The following MFHAS1 variants were observed in gnomAD, a reference collection of about 807,000 sequenced individuals.
MFHAS1 encodes malignant fibrous histiocytoma-amplified sequence 1.
MFHAS1 carries 50 observed loss-of-function variants against 70.4 expected under a neutral mutation model. The ratio of observed to expected loss-of-function variants is 0.71; its 90% CI spans 0.57 to 0.90. The LOEUF is 0.90. Ranked by LOEUF, MFHAS1 falls within the 40% of genes least tolerant of loss-of-function variation. The probability of loss-of-function intolerance (pLI) is 0.00; values close to 1 mark genes in which losing one functional copy is unlikely to be tolerated. For synonymous variants in MFHAS1, 952 were observed against 620.0 expected (o/e 1.54, Z -7.96); for missense variants, 1,795 against 1,347.6 (o/e 1.33, Z -5.20).
Position 8,891,999 on chromosome 8 carries a change from TCTGGTTCCC to T in MFHAS1, c.1051_1059del (p.Gly351_Gln353del). 1 of 1,613,484 alleles carries T rather than the reference TCTGGTTCCC, an allele frequency of 6.2e-7. No individual in the cohort carries two copies. Among genetic ancestry groups the T allele is most frequent in the Non-Finnish European group, 8.5e-7 (1 of 1,179,950 alleles). ...CCAAAGTGGTCGGGCAGCACCGCGA[TCTGGTTCCC>T]CTGCAGCACGAGCTCCTCCAGGCCG... On this transcript the variant is annotated inframe_deletion, in exon 1 of 3. Coordinates refer to ENST00000276282, the MANE Select transcript of MFHAS1 (RefSeq NM_004225.3). This position sits in a 1 kb window ranked among gnomAD's most constrained non-coding sequence, Gnocchi z 5.4.
At chr8:8,859,228 C>T (rs946066522) in intron 1 of MFHAS1, among the ~76,000 whole-genome samples, 12 of 152,182 alleles carry the variant, frequency 7.9e-5, no homozygotes, top group Admixed American at 5.9e-4. Context: ...CCTGTAGTCC[C>T]AGCCACCTGG....
Position 8,892,234 on chromosome 8 carries a change from G to C in MFHAS1, c.825C>G (p.Leu275=). The change falls in exon 1 of 3, where the codon CTC becomes CTG. Residue 275 remains leucine (L), a synonymous_variant. Coordinates refer to ENST00000276282, the MANE Select transcript of MFHAS1 (RefSeq NM_004225.3). The surrounding 1 kb of genome is among the most constrained non-coding windows in gnomAD (Gnocchi z 4.7). ...GGTTGGAGGAGAGGTTGAGCATTTTGAGCCGCTGCAGGCAGCTGAACTGGG... is the reference window on the plus strand; with the variant it reads ...GGTTGGAGGAGAGGTTGAGCATTTTCAGCCGCTGCAGGCAGCTGAACTGGG... ...LPAQFSCLQR[L]KMLNLSSNLF... is the part of the protein sequence containing the mutation. 1 of 1,611,380 alleles carries C rather than the reference G, an allele frequency of 6.2e-7. No individual in the cohort carries two copies. The highest frequency in any genetic ancestry group is 8.5e-7 in the Non-Finnish European group (1 of 1,180,018).
chr8:8,799,194 G>A (rs1318870331), intron 1 of MFHAS1, among the ~76,000 whole-genome samples: 2 of 152,150 alleles, frequency 1.3e-5, no homozygotes, highest in East Asian at 3.8e-4. Context: ...CTATGTTTTT[G>A]CCTATAAGTA....
intron 1 of MFHAS1, among the ~76,000 whole-genome samples, chr8:8,831,696 C>G (rs1026214654): frequency 6.6e-6 from 1 of 151,898 alleles, no homozygotes; most frequent in Non-Finnish European, 1.5e-5. Flanking sequence ...GCAACCTCCG[C>G]CTCCCAGGTT....
chr8:8,839,064 C>G (rs745359212), intron 1 of MFHAS1, among the ~76,000 whole-genome samples: 2 of 152,010 alleles, frequency 1.3e-5, no homozygotes, highest in Non-Finnish European at 2.9e-5. Context: ...TATTGACAAA[C>G]TAGACCACTA....
At chr8:8,790,431 ATACC>A in intron 2 of MFHAS1, 1 of 960,882 alleles carries the variant, frequency 1.0e-6, no homozygotes, top group Non-Finnish European at 1.2e-6. Flanking sequence ...AAGTATGAAG[ATACC>A]TAAGCAGAGA....
chr8:8,799,469 A>T (rs1030821235), intron 1 of MFHAS1, among the ~76,000 whole-genome samples: 1 of 152,120 alleles, frequency 6.6e-6, no homozygotes, highest in Non-Finnish European at 1.5e-5. Flanking sequence ...AAAGTACTGT[A>T]TTTCTGGCTG....
At chr8:8,870,678 C>A (rs915223861) in intron 1 of MFHAS1, among the ~76,000 whole-genome samples, 3 of 152,082 alleles carry the variant, frequency 2.0e-5, no homozygotes, top group Non-Finnish European at 2.9e-5. Context: ...GATTCCATCC[C>A]GCAGGCCTCT....
At chr8:8,851,323 T>G (rs1808240731) in intron 1 of MFHAS1, among the ~76,000 whole-genome samples, 1 of 152,212 alleles carries the variant, frequency 6.6e-6, no homozygotes, top group Non-Finnish European at 1.5e-5. Flanking sequence ...GCACACAGTT[T>G]CTGCCATTTC....
chr8:8,852,598 A>C (rs1433591044), intron 1 of MFHAS1, among the ~76,000 whole-genome samples: 1 of 152,130 alleles, frequency 6.6e-6, no homozygotes, highest in African/African-American at 2.4e-5. Flanking sequence ...TTCTTTGCAA[A>C]ATAATTGGTT....
chr8:8,867,790 C>T (rs1808919653), intron 1 of MFHAS1, among the ~76,000 whole-genome samples: 2 of 152,070 alleles, frequency 1.3e-5, no homozygotes, highest in African/African-American at 2.4e-5. Context: ...ATCTCCTGAC[C>T]TCGTGATGGG....
intron 1 of MFHAS1, among the ~76,000 whole-genome samples, chr8:8,826,394 C>G (rs924079703): frequency 3.3e-5 from 5 of 152,172 alleles, no homozygotes; most frequent in Middle Eastern, 6.8e-3. Flanking sequence ...GACAGATTCC[C>G]TGAAGGTCTG....
intron 1 of MFHAS1, among the ~76,000 whole-genome samples, chr8:8,870,003 G>A (rs1381273629): frequency 6.6e-6 from 1 of 152,030 alleles, no homozygotes; most frequent in Non-Finnish European, 1.5e-5. Context: ...CCCTGAGTGT[G>A]CTGACAAAAT....
intron 1 of MFHAS1, among the ~76,000 whole-genome samples, chr8:8,862,806 C>T (rs1808716991): frequency 6.6e-6 from 1 of 152,146 alleles, no homozygotes; most frequent in South Asian, 2.1e-4. Flanking sequence ...ATGGAGGAGG[C>T]TGCGCATGTG....
intron 1 of MFHAS1, among the ~76,000 whole-genome samples, chr8:8,846,915 C>G (rs537509121): frequency 2.6e-5 from 4 of 152,254 alleles, no homozygotes; most frequent in Non-Finnish European, 4.4e-5. Flanking sequence ...ACCTTTGATA[C>G]ACTGCATTCA....
rs535164863 is a variant in MFHAS1, at chr8:8,787,686, G to C, written c.3126-1631C>G. ...GGAGGACGCCAGTGTAAAAACACAC[G>C]TCTCAACCTAGCAGCTAACTTTGGT... is the stretch of plus-strand genomic sequence containing the variant. On this transcript the variant is annotated intron_variant, in intron 2 of 2. Transcript: ENST00000276282. Among the ~76,000 whole-genome samples the C allele has an allele frequency of 7.9e-5, 12 of 152,306 alleles. No individual in the cohort carries two copies. In the South Asian group the frequency reaches 2.5e-3, roughly 32 times the overall value.
intron 1 of MFHAS1, among the ~76,000 whole-genome samples, chr8:8,800,006 C>T (rs1373721831): frequency 3.9e-5 from 6 of 152,226 alleles, no homozygotes; most frequent in Non-Finnish European, 8.8e-5. Flanking sequence ...AACTTGGGAA[C>T]CCACTTCTGG....
chr8:8,819,869 T>C (rs1459985599), intron 1 of MFHAS1, among the ~76,000 whole-genome samples: 2 of 152,032 alleles, frequency 1.3e-5, no homozygotes, highest in African/African-American at 4.8e-5. Context: ...CAGCTGACTT[T>C]TTCTATTTTT....
chr8:8,845,995 G>C (rs933553001), intron 1 of MFHAS1, among the ~76,000 whole-genome samples: 4 of 152,072 alleles, frequency 2.6e-5, no homozygotes, highest in African/African-American at 9.7e-5. Context: ...GCTAACACCT[G>C]TATTCCCAGC....
Sources: allele counts gnomAD v4.1 joint callset (sites outside exome capture counted in the v4.1 genomes callset), GRCh38; gene constraint gnomAD v4.1.1; non-coding constraint Gnocchi (gnomAD v3.1); transcripts MANE v1.5; gene names NCBI Gene and HGNC (gene_info 2026-07-23, HGNC 2026-07-21).